ADAMTS12: variants seen among roughly 807,000 people sequenced by gnomAD.
ADAMTS12 encodes the protein A disintegrin and metalloproteinase with thrombospondin motifs 12.
Under a neutral mutation model 167.8 loss-of-function variants are expected in ADAMTS12, and 118 were observed. That is an observed-to-expected ratio of 0.70 (90% CI 0.61 to 0.82). ADAMTS12 has a LOEUF of 0.82. ADAMTS12 is among the 40% of genes least tolerant of loss of function. ADAMTS12 has a pLI of 0.00. For missense variants in ADAMTS12, 1,916 were observed against 1,998.8 expected (o/e 0.96, Z 0.79); for synonymous variants, 704 against 716.9 (o/e 0.98, Z 0.29).
In ADAMTS12 at chr5:33,576,664, G is replaced by C; in HGVS notation, c.3362C>G (p.Ala1121Gly). ...CAAGCCAGAACCACTTGTTGTTGTA[G>C]CTACAAGGCCTCCCTCCGAGGTAGG... is the stretch of plus-strand genomic sequence containing the variant. ...TGPTSEGGLV[A>G]TTTSGSGLSS... The change falls in exon 19 of 24, where the codon GCT becomes GGT. Residue 1121 changes from alanine to glycine, a missense_variant. Physicochemically the swap from Ala to Gly is moderately conservative, Grantham distance 60. Transcript: ENST00000504830. The C allele has an allele frequency of 6.2e-7, 1 of 1,614,222 alleles. No individual in the cohort carries two copies. Among genetic ancestry groups the C allele is most frequent in the Admixed American group, 1.7e-5 (1 of 60,030 alleles).
At chr5:33,740,813 A>G (rs1744544695) in intron 3 of ADAMTS12, among the ~76,000 whole-genome samples, 3 of 152,322 alleles carry the variant, frequency 2.0e-5, no homozygotes, top group Middle Eastern at 3.4e-3. Flanking sequence ...CCAAGGGGCC[A>G]GGGAGAAAGT....
chr5:33,634,038 T>C (rs1422013904), intron 12 of ADAMTS12, among the ~76,000 whole-genome samples: 1 of 152,138 alleles, frequency 6.6e-6, no homozygotes, highest in Non-Finnish European at 1.5e-5. Context: ...ACTTACCGAA[T>C]CAAAGTTTGC....
At chr5:33,616,211 G>T in intron 14 of ADAMTS12, 139 bp from the exon 15 acceptor site, 1 of 1,145,536 alleles carries the variant, frequency 8.7e-7, no homozygotes, top group Non-Finnish European at 1.2e-6. Context: ...GGAATTGGCA[G>T]AAGCACTACT....
chr5:33,637,214 T>G (rs1740238195), intron 12 of ADAMTS12, among the ~76,000 whole-genome samples: 1 of 152,184 alleles, frequency 6.6e-6, no homozygotes, highest in Non-Finnish European at 1.5e-5. Flanking sequence ...AATGACCTTT[T>G]CTTCGGAATT....
At chr5:33,538,255 G>T (rs1744509464) in intron 22 of ADAMTS12, among the ~76,000 whole-genome samples, 1 of 152,180 alleles carries the variant, frequency 6.6e-6, no homozygotes, top group Admixed American at 6.5e-5. Context: ...GGAGAGTGGG[G>T]AGTGAAATGG....
chr5:33,622,725 ATAAG>A (rs71600918), intron 14 of ADAMTS12, among the ~76,000 whole-genome samples: 13,091 of 152,258 alleles, frequency 0.086, 638 homozygotes, highest in Middle Eastern at 0.17. Flanking sequence ...GTAACTTTTT[ATAAG>A]TAAGTAAAGC....
At chr5:33,698,999 C>T (rs1343488983) in intron 3 of ADAMTS12, among the ~76,000 whole-genome samples, 1 of 151,278 alleles carries the variant, frequency 6.6e-6, no homozygotes, top group African/African-American at 2.4e-5. Context: ...TCAACTAAAA[C>T]TACAAAAATT....
At chr5:33,626,184 T>C (rs551347284) in intron 13 of ADAMTS12, among the ~76,000 whole-genome samples, 2 of 151,748 alleles carry the variant, frequency 1.3e-5, no homozygotes, top group East Asian at 3.9e-4. Context: ...GTGGTGGTAA[T>C]GATGGTGAAG....
chr5:33,857,307 T>C (rs188699752), intron 2 of ADAMTS12, among the ~76,000 whole-genome samples: 5 of 152,228 alleles, frequency 3.3e-5, no homozygotes, highest in Admixed American at 1.3e-4. Context: ...GAGTTTCAGT[T>C]ATGTAAGATG....
rs536933568 is a variant in ADAMTS12, at chr5:33,541,934, C to T, written c.4446+4125G>A. ...GCTAGGAAGAAACTGCATCAATTAA[C>T]GGGCAAAATAACCAGCTAGCATCAT... On this transcript the variant is annotated intron_variant, in intron 22 of 23. Coordinates refer to ENST00000504830, the MANE Select transcript of ADAMTS12 (RefSeq NM_030955.4). 2.7e-4 allele frequency among the ~76,000 whole-genome samples: 41 copies of T among 152,248 alleles called. No individual in the cohort carries two copies. The East Asian group carries it at 6.6e-3, about 24-fold the overall frequency.
chr5:33,703,882 C>T (rs1242819501), intron 3 of ADAMTS12, among the ~76,000 whole-genome samples: 2 of 152,176 alleles, frequency 1.3e-5, no homozygotes, highest in African/African-American at 4.8e-5. Flanking sequence ...AAGTTGTTAC[C>T]TGATCTTCCA....
At chr5:33,772,806 C>G (rs1745794144) in intron 2 of ADAMTS12, among the ~76,000 whole-genome samples, 1 of 152,182 alleles carries the variant, frequency 6.6e-6, no homozygotes, top group Admixed American at 6.5e-5. Context: ...GAGATAAGCA[C>G]ACCACGTGTG....
intron 2 of ADAMTS12, among the ~76,000 whole-genome samples, chr5:33,776,989 A>G (rs765163750): frequency 1.3e-5 from 2 of 152,122 alleles, no homozygotes; most frequent in African/African-American, 2.4e-5. Context: ...GAAACAGAAA[A>G]TCTGAACAGA....
At chr5:33,797,148 G>A (rs564987782) in intron 2 of ADAMTS12, among the ~76,000 whole-genome samples, 4 of 152,266 alleles carry the variant, frequency 2.6e-5, no homozygotes, top group Admixed American at 2.0e-4. Context: ...TTTACATCAC[G>A]TCAACAAATC....
At chr5:33,824,880 C>A (rs1360480836) in intron 2 of ADAMTS12, among the ~76,000 whole-genome samples, 8 of 152,120 alleles carry the variant, frequency 5.3e-5, no homozygotes, top group Non-Finnish European at 8.8e-5. Flanking sequence ...ACTTTGATAG[C>A]TTTTCAGCAG....
chr5:33,605,497 AT>A, intron 16 of ADAMTS12, among the ~76,000 whole-genome samples: 1 of 152,352 alleles, frequency 6.6e-6, no homozygotes, highest in Non-Finnish European at 1.5e-5. Flanking sequence ...ACTTAGGAAA[AT>A]ATAGTCATTG....
chr5:33,647,742 CAA>C (rs71600920), intron 9 of ADAMTS12, among the ~76,000 whole-genome samples: 2 of 30,952 alleles, frequency 6.5e-5, no homozygotes, highest in East Asian at 1.6e-3. Context: ...AACAAACAAA[CAA>C]AAACAAACAA....
chr5:33,823,563 G>A (rs377206372), intron 2 of ADAMTS12, among the ~76,000 whole-genome samples: 1 of 152,084 alleles, frequency 6.6e-6, no homozygotes, highest in East Asian at 1.9e-4. Flanking sequence ...ACAGTGAGTA[G>A]ACGGGACTCA....
chr5:33,579,372 A>G (rs1163826404), intron 18 of ADAMTS12, among the ~76,000 whole-genome samples: 1 of 152,230 alleles, frequency 6.6e-6, no homozygotes, highest in Non-Finnish European at 1.5e-5. Context: ...CTCAGGCAAC[A>G]GGTGGCTCTC....
Sources: gnomAD v4.1 joint callset for allele counts (sites outside exome capture counted in the v4.1 genomes callset) on GRCh38, gnomAD v4.1.1 for gene constraint, MANE v1.5 for transcripts, NCBI Gene and HGNC (gene_info 2026-07-23, HGNC 2026-07-21) for gene names.